Variants in ESRRG observed in about 807,000 individuals in gnomAD.
The protein encoded by ESRRG is estrogen-related receptor gamma.
ESRRG carries 13 observed loss-of-function variants against 44.0 expected under a neutral mutation model. That is an observed-to-expected ratio of 0.30 (90% CI 0.19 to 0.47). The LOEUF (loss-of-function observed/expected upper bound fraction) is 0.47, where lower values mean the gene tolerates loss of function less well. Ranked by LOEUF, ESRRG falls within the 20% of genes least tolerant of loss-of-function variation. ESRRG has a pLI of 1.00. For synonymous variants in ESRRG, 215 were observed against 214.6 expected (o/e 1.00, Z -0.02); for missense variants, 395 against 580.6 (o/e 0.68, Z 3.29).
chr1:216,959,989 A>T (rs2068714150), intron 1 of ESRRG, among the ~76,000 whole-genome samples: 8 of 152,170 alleles, frequency 5.3e-5, no homozygotes, highest in Admixed American at 5.2e-4. Context: ...GTGTTTAAGT[A>T]ACTTGTTAAA....
At chr1:216,510,910 C>G (rs1215370365) in intron 6 of ESRRG, among the ~76,000 whole-genome samples, 1 of 152,054 alleles carries the variant, frequency 6.6e-6, no homozygotes, top group African/African-American at 2.4e-5. Context: ...ATTGTGTGCA[C>G]AGACATAGCT....
rs150137515 is a variant in ESRRG, at chr1:216,508,802, G to A, written c.1133-1619C>T. Among the ~76,000 whole-genome samples, 629 of 152,230 alleles carry A rather than the reference G, an allele frequency of 4.1e-3. 4 individuals carry two copies. Among genetic ancestry groups the A allele is most frequent in the African/African-American group, 0.014 (597 of 41,550 alleles). On this transcript the variant is annotated intron_variant, in intron 6 of 6. Transcript: ENST00000408911. ...TTAAATGCTACCTGAAGGAAAAATGGGAGGTATGGGGAAACACTATGGTGA... is the reference window on the plus strand; with the variant it reads ...TTAAATGCTACCTGAAGGAAAAATGAGAGGTATGGGGAAACACTATGGTGA...
intron 1 of ESRRG, among the ~76,000 whole-genome samples, chr1:216,949,394 A>G (rs189439824): frequency 1.7e-4 from 26 of 152,286 alleles, no homozygotes; most frequent in Non-Finnish European, 3.7e-4. Flanking sequence ...AAAGATAAGC[A>G]TGTGTTTCTG....
intron 3 of ESRRG, among the ~76,000 whole-genome samples, chr1:216,587,968 G>T (rs187644850): frequency 2.5e-3 from 380 of 152,258 alleles, no homozygotes; most frequent in African/African-American, 8.3e-3. Context: ...AACTCCATGT[G>T]CTCTGAACAG....
At chr1:217,027,140 A>T (rs2081345595) in intron 1 of ESRRG, among the ~76,000 whole-genome samples, 1 of 152,124 alleles carries the variant, frequency 6.6e-6, no homozygotes, top group Admixed American at 6.6e-5. Context: ...CAAAGGCCAC[A>T]TGTTCCTTCT....
intron 1 of ESRRG, among the ~76,000 whole-genome samples, chr1:216,967,795 T>C (rs2070777649): frequency 6.6e-6 from 1 of 152,010 alleles, no homozygotes; most frequent in Admixed American, 6.5e-5. Context: ...TGTGTTTAGT[T>C]TTGTAAGAAA....
intron 1 of ESRRG, among the ~76,000 whole-genome samples, chr1:217,124,644 C>G (rs1580637411): frequency 6.6e-6 from 1 of 152,092 alleles, no homozygotes; most frequent in Non-Finnish European, 1.5e-5. Context: ...TGAACACTTG[C>G]CAGGTCACTT....
At chr1:216,723,587 G>A (rs2086855497), upstream of ESRRG, 1 of 431,192 alleles carries the variant, frequency 2.3e-6, no homozygotes, top group Non-Finnish European at 4.1e-6. Context: ...GGAGCGAGAG[G>A]AGCCAGGCAG....
chr1:216,806,877 G>A (rs1218063743), intron 2 of ESRRG, among the ~76,000 whole-genome samples: 1 of 152,120 alleles, frequency 6.6e-6, no homozygotes, highest in African/African-American at 2.4e-5. Context: ...ATCAAATGAT[G>A]TTATTGCCTT....
At chr1:217,128,910 G>C (rs928236418) in intron 1 of ESRRG, among the ~76,000 whole-genome samples, 2 of 152,114 alleles carry the variant, frequency 1.3e-5, no homozygotes, top group African/African-American at 4.8e-5. Flanking sequence ...GCGGAGGTAG[G>C]AGGATCACTT....
chr1:217,025,945 C>T (rs1291341990), intron 1 of ESRRG, among the ~76,000 whole-genome samples: 1 of 152,086 alleles, frequency 6.6e-6, no homozygotes, highest in Admixed American at 6.6e-5. Flanking sequence ...TGGAATAATA[C>T]ATGGCCTGAG....
At chr1:216,595,932 G>A (rs987630336) in intron 3 of ESRRG, among the ~76,000 whole-genome samples, 1 of 152,138 alleles carries the variant, frequency 6.6e-6, no homozygotes, top group East Asian at 1.9e-4. Context: ...AAAGACAAGG[G>A]TTTATTGCCA....
At chr1:217,113,291 C>A (rs2092680266) in intron 1 of ESRRG, among the ~76,000 whole-genome samples, 2 of 152,168 alleles carry the variant, frequency 1.3e-5, no homozygotes, top group Non-Finnish European at 1.5e-5. Flanking sequence ...GGACCCTAAT[C>A]AAGGAACTGG....
intron 1 of ESRRG, among the ~76,000 whole-genome samples, chr1:217,096,792 T>C (rs2092430945): frequency 6.6e-6 from 1 of 152,190 alleles, no homozygotes; most frequent in African/African-American, 2.4e-5. Flanking sequence ...TTGCTGCCTT[T>C]TGTGTAAAAG....
intron 1 of ESRRG, among the ~76,000 whole-genome samples, chr1:217,124,032 A>G (rs2102509901): frequency 6.6e-6 from 1 of 152,334 alleles, no homozygotes; most frequent in Non-Finnish European, 1.5e-5. Flanking sequence ...CCACTATCAC[A>G]CCACATATAA....
intron 2 of ESRRG, among the ~76,000 whole-genome samples, chr1:216,757,026 C>T (rs2092485312): frequency 6.6e-6 from 1 of 151,962 alleles, no homozygotes; most frequent in Non-Finnish European, 1.5e-5. Flanking sequence ...ATTCCCTCTC[C>T]TCATAAAGGC....
chr1:216,746,961 A>ATGTT (rs1266813102), intron 2 of ESRRG, among the ~76,000 whole-genome samples: 9 of 152,186 alleles, frequency 5.9e-5, no homozygotes, highest in Non-Finnish European at 1.3e-4. Context: ...AAAAGACCTT[A>ATGTT]GATTATTATC....
intron 1 of ESRRG, among the ~76,000 whole-genome samples, chr1:217,025,214 T>C (rs554524132): frequency 3.3e-5 from 5 of 152,320 alleles, no homozygotes; most frequent in African/African-American, 1.2e-4. Flanking sequence ...AGAGTGCTTT[T>C]GTTTTCTGAA....
chr1:217,017,682 G>A (rs757085320), intron 1 of ESRRG, among the ~76,000 whole-genome samples: 17 of 151,956 alleles, frequency 1.1e-4, no homozygotes, highest in Non-Finnish European at 2.2e-4. Flanking sequence ...TTTATAGTGA[G>A]TTAAGAATAA....
Sources: gnomAD v4.1 joint callset for allele counts (sites outside exome capture counted in the v4.1 genomes callset) on GRCh38, gnomAD v4.1.1 for gene constraint, MANE v1.5 for transcripts, NCBI Gene and HGNC (gene_info 2026-07-23, HGNC 2026-07-21) for gene names.